NEMP2: variants seen among roughly 807,000 people sequenced by gnomAD.
NEMP2 encodes nuclear envelope integral membrane protein 2.
A neutral mutation model predicts 54.2 loss-of-function variants in NEMP2; 53 were observed. That is an observed-to-expected ratio of 0.98 (90% CI 0.78 to 1.23). NEMP2 has a LOEUF of 1.23. NEMP2 is among the 50% of genes most tolerant of loss of function. NEMP2 has a pLI of 0.00. For synonymous variants in NEMP2, 197 were observed against 190.3 expected, an observed-to-expected ratio of 1.04 and a Z score of -0.29; for missense variants, 455 against 511.3, an observed-to-expected ratio of 0.89 and a Z score of 1.06.
At chr2:190,468,379 T>C in the NEMP2 span, among the ~76,000 whole-genome samples, 3 of 152,128 alleles carry the variant, frequency 2.0e-5, no homozygotes, top group Non-Finnish European at 2.9e-5. Flanking sequence ...AGATTAGTGA[T>C]AGCTGGGTGT....
the NEMP2 span, among the ~76,000 whole-genome samples, chr2:190,561,037 A>T: frequency 1.5e-4 from 23 of 152,212 alleles, no homozygotes; most frequent in Non-Finnish European, 3.1e-4. This position sits in a 1 kb window ranked among gnomAD's most constrained non-coding sequence, Gnocchi z 5.4. Context: ...AGGTGTGCCC[A>T]GTGCTTCTTC....
the NEMP2 span, among the ~76,000 whole-genome samples, chr2:190,557,477 A>T: frequency 6.6e-6 from 1 of 152,192 alleles, no homozygotes; most frequent in African/African-American, 2.4e-5. Context: ...TGAAAGTGGG[A>T]TTAATTAAAC....
chr2:190,533,460 T>C lies in NEMP2; in HGVS notation c.97+1099A>G, dbSNP rs1037093247. Among the ~76,000 whole-genome samples, 8 of 152,254 alleles carry C rather than the reference T, an allele frequency of 5.3e-5. No homozygotes were observed. The highest frequency in any genetic ancestry group is 1.2e-4 in the African/African-American group (5 of 41,460). ...ATAGATACTGCAGTTAAAGCACTTA[T>C]AACACTGCCTAGCACATACTGAACA... On this transcript the variant is annotated intron_variant, in intron 1 of 8. Coordinates refer to ENST00000409150, the MANE Select transcript of NEMP2 (RefSeq NM_001142645.2). The surrounding 1 kb of genome is among the most constrained non-coding windows in gnomAD (Gnocchi z 4.3).
the NEMP2 span, chr2:190,497,779 T>C: frequency 2.0e-6 from 3 of 1,512,756 alleles, no homozygotes; most frequent in East Asian, 4.5e-5. The surrounding 1 kb of genome is among the most constrained non-coding windows in gnomAD (Gnocchi z 5.2). Flanking sequence ...TTAACTGGGC[T>C]CAGTTTTAAT....
rs1255330849 is a variant in NEMP2, at chr2:190,534,554, G to A, written c.97+5C>T. ...CGCGCGCCGCCGCCGCCGGTCCCGG[G>A]TTACCTGATAACGCTGCCGCCGCCG... On this transcript the variant is annotated splice_donor_5th_base_variant and intron_variant, in intron 1 of 8. Transcript: ENST00000409150. 3 of 1,405,104 alleles carry A rather than the reference G, an allele frequency of 2.1e-6. No homozygotes were observed. The highest frequency in any genetic ancestry group is 1.5e-5 in the South Asian group (1 of 65,876). 87.0% of individuals were successfully genotyped at this position (1,405,104 alleles called of 1,614,324 possible).
At chr2:190,630,410 G>A in the NEMP2 span, among the ~76,000 whole-genome samples, 15 of 152,042 alleles carry the variant, frequency 9.9e-5, no homozygotes, top group Non-Finnish European at 2.2e-4. This position sits in a 1 kb window ranked among gnomAD's most constrained non-coding sequence, Gnocchi z 5.5. Context: ...TAGAGACGGG[G>A]TTTCACCATG....
At chr2:190,612,153 T>C in the NEMP2 span, among the ~76,000 whole-genome samples, 1 of 38,358 alleles carries the variant, frequency 2.6e-5, no homozygotes, top group Non-Finnish European at 4.7e-5. Context: ...AACATCCCTC[T>C]TTTTTTTTTT....
chr2:190,500,131 G>T (rs745489913), downstream of NEMP2: 2 of 1,614,094 alleles, frequency 1.2e-6, no homozygotes, highest in South Asian at 2.2e-5. This position sits in a 1 kb window ranked among gnomAD's most constrained non-coding sequence, Gnocchi z 5.3. Context: ...CATCTCAGAC[G>T]CAGACCAGCC....
At chr2:190,477,482 CATAAGTG>C in the NEMP2 span, 2 of 450,790 alleles carry the variant, frequency 4.4e-6, no homozygotes, top group Non-Finnish European at 5.9e-6. Flanking sequence ...GGACGGTTTC[CATAAGTG>C]ACCCAAGAAA....
chr2:190,571,609 A>C, the NEMP2 span, among the ~76,000 whole-genome samples: 1 of 152,116 alleles, frequency 6.6e-6, no homozygotes, highest in Non-Finnish European at 1.5e-5. Flanking sequence ...TGTGACAATC[A>C]GATTCACTCT....
At chr2:190,475,678 C>T in the NEMP2 span, among the ~76,000 whole-genome samples, 2 of 152,134 alleles carry the variant, frequency 1.3e-5, no homozygotes, top group Non-Finnish European at 2.9e-5. Flanking sequence ...ATGAAGCTAC[C>T]AATGACTTTC....
chr2:190,494,730 C>T, the NEMP2 span, among the ~76,000 whole-genome samples: 1 of 152,108 alleles, frequency 6.6e-6, no homozygotes, highest in Non-Finnish European at 1.5e-5. This position sits in a 1 kb window ranked among gnomAD's most constrained non-coding sequence, Gnocchi z 5.7. Context: ...ACCACATAAA[C>T]AGAATTAAAA....
the NEMP2 span, among the ~76,000 whole-genome samples, chr2:190,601,305 A>G: frequency 6.6e-6 from 1 of 152,194 alleles, no homozygotes; most frequent in East Asian, 1.9e-4. The surrounding 1 kb of genome is among the most constrained non-coding windows in gnomAD (Gnocchi z 5.8). Context: ...CTTCGGAGGA[A>G]GCATGCCCTG....
the NEMP2 span, among the ~76,000 whole-genome samples, chr2:190,427,060 G>A: frequency 2.0e-5 from 3 of 152,244 alleles, no homozygotes; most frequent in African/African-American, 7.2e-5. Context: ...CCCATTGAGA[G>A]TGAGGGGTGG....
chr2:190,611,531 T>C, the NEMP2 span, among the ~76,000 whole-genome samples: 1 of 152,258 alleles, frequency 6.6e-6, no homozygotes, highest in Non-Finnish European at 1.5e-5. This position sits in a 1 kb window ranked among gnomAD's most constrained non-coding sequence, Gnocchi z 5.4. Context: ...TGTGCTTTTA[T>C]TTTAATGTTC....
At chr2:190,549,547 C>A in the NEMP2 span, among the ~76,000 whole-genome samples, 2 of 151,962 alleles carry the variant, frequency 1.3e-5, no homozygotes, top group African/African-American at 4.8e-5. Flanking sequence ...CTGAACAATT[C>A]TTTGTTTTTT....
At chr2:190,429,805 A>G in the NEMP2 span, among the ~76,000 whole-genome samples, 2 of 152,122 alleles carry the variant, frequency 1.3e-5, no homozygotes, top group South Asian at 4.1e-4. Flanking sequence ...ATTTTTGTAT[A>G]TGATGTCAGA....
chr2:190,464,468 CTG>C, the NEMP2 span, among the ~76,000 whole-genome samples: 1 of 152,176 alleles, frequency 6.6e-6, no homozygotes, highest in Non-Finnish European at 1.5e-5. Context: ...AATATCCAGA[CTG>C]TATCTGGACT....
At chr2:190,462,894 CTG>C in the NEMP2 span, among the ~76,000 whole-genome samples, 1 of 152,344 alleles carries the variant, frequency 6.6e-6, no homozygotes, top group East Asian at 1.9e-4. The surrounding 1 kb of genome is among the most constrained non-coding windows in gnomAD (Gnocchi z 5.7). Flanking sequence ...CCTCTCCTCT[CTG>C]GCCACTCTTA....
Sources: allele counts gnomAD v4.1 joint callset (sites outside exome capture counted in the v4.1 genomes callset), GRCh38; gene constraint gnomAD v4.1.1; non-coding constraint Gnocchi (gnomAD v3.1); transcripts MANE v1.5; gene names NCBI Gene and HGNC (gene_info 2026-07-23, HGNC 2026-07-21).